The following CHD9 variants were observed in gnomAD, a reference collection of about 807,000 sequenced individuals.
CHD9 encodes ATP-dependent chromatin remodeler CHD9.
A neutral mutation model predicts 316.1 loss-of-function variants in CHD9; 77 were observed. The ratio of observed to expected loss-of-function variants is 0.24; its 90% CI spans 0.20 to 0.29. The LOEUF is 0.29. Ranked by LOEUF, CHD9 falls within the 10% of genes least tolerant of loss-of-function variation. CHD9 has a pLI of 1.00. For synonymous variants in CHD9, 1,129 were observed against 1,158.3 expected (o/e 0.97, Z 0.51); for missense variants, 2,763 against 3,438.1 (o/e 0.80, Z 4.91).
Position 53,132,957 on chromosome 16 carries a change from C to T in CHD9, c.-164-22969C>T, listed in dbSNP as rs187337230. Among the ~76,000 whole-genome samples the T allele has an allele frequency of 1.7e-3, 258 of 151,988 alleles. 1 individual carries two copies. The highest frequency in any genetic ancestry group is 4.6e-3 in the African/African-American group (190 of 41,452). On this transcript the variant is annotated intron_variant, in intron 1 of 38. Transcript: ENST00000447540. ...CCCAGTAGCTGGGATTACAGGTGCG[C>T]GCCACCACGCCCGGCCGTTTCTTCT... is the stretch of plus-strand genomic sequence containing the variant.
rs183275747 is a variant in CHD9 at position 53,327,029 on chromosome 16, A to G, written c.*2134A>G. ...TATAATAAGGCAATTACAGTTTTCAAAGCATTAAGTCTAACATAACTTTAA... is the reference window on the plus strand; with the variant it reads ...TATAATAAGGCAATTACAGTTTTCAGAGCATTAAGTCTAACATAACTTTAA... On this transcript the variant is annotated 3_prime_UTR_variant, in exon 39 of 39. Transcript: ENST00000447540. 6.6e-6 allele frequency: 1 copy of G among 152,636 alleles called. No homozygotes were observed. The highest frequency in any genetic ancestry group is 1.9e-4 in the East Asian group (1 of 5,192). 9.5% of individuals were successfully genotyped at this position (152,636 alleles called of 1,614,324 possible).
chr16:53,069,894 G>A (rs1157952300), intron 1 of CHD9, among the ~76,000 whole-genome samples: 6 of 146,752 alleles, frequency 4.1e-5, no homozygotes, highest in South Asian at 2.2e-4. Flanking sequence ...CCTTGTCAAC[G>A]TTTGTTATTT....
At chr16:53,255,300 C>A (rs73599690) in intron 18 of CHD9, among the ~76,000 whole-genome samples, 4,924 of 152,060 alleles carry the variant, frequency 0.032, 96 homozygotes, top group Middle Eastern at 0.071. Flanking sequence ...CAGAGCAAGA[C>A]CCTGTCTTAA....
chr16:53,184,000 A>G (rs2043769164), intron 2 of CHD9, among the ~76,000 whole-genome samples: 1 of 150,404 alleles, frequency 6.6e-6, no homozygotes, highest in Non-Finnish European at 1.5e-5. Flanking sequence ...GCTGGAGTGC[A>G]GTGGCGTGAT....
At chr16:53,132,020 C>G (rs914563140) in intron 1 of CHD9, among the ~76,000 whole-genome samples, 8 of 152,336 alleles carry the variant, frequency 5.3e-5, no homozygotes, top group African/African-American at 1.7e-4. Flanking sequence ...ACCCGGAAAG[C>G]CCGGGTGTCT....
chr16:53,100,704 C>A (rs957880089), intron 1 of CHD9, among the ~76,000 whole-genome samples: 2 of 152,172 alleles, frequency 1.3e-5, no homozygotes, highest in African/African-American at 4.8e-5. Context: ...AAGCAATCCA[C>A]CCACCTTGGC....
intron 1 of CHD9, among the ~76,000 whole-genome samples, chr16:53,135,579 A>C (rs780398681): frequency 6.6e-6 from 1 of 152,140 alleles, no homozygotes; most frequent in Non-Finnish European, 1.5e-5. Flanking sequence ...GAAACTAGAT[A>C]GATAGTGGTG....
chr16:53,319,063 T>G lies in CHD9; in HGVS notation c.7713+723T>G, dbSNP rs182204335. Among the ~76,000 whole-genome samples the G allele has an allele frequency of 3.9e-4, 60 of 152,356 alleles. 1 individual carries two copies. The East Asian group carries it at 8.9e-3, about 22-fold the overall frequency. On this transcript the variant is annotated intron_variant, in intron 37 of 38. Transcript: ENST00000447540. ...GAGATTTTTCAGAAATAGACTTACA[T>G]AGATTTCTTGTTTTATGTTTGGATT...
At chr16:53,306,590 A>G (rs972418499) in intron 32 of CHD9, among the ~76,000 whole-genome samples, 193 bp downstream of exon 32, 9 of 152,232 alleles carry the variant, frequency 5.9e-5, no homozygotes, top group African/African-American at 2.2e-4. Flanking sequence ...GCTTCTCAAC[A>G]TAACTTTAGA....
At chr16:53,307,462 C>A (rs994412388) in intron 32 of CHD9, among the ~76,000 whole-genome samples, 2 of 152,038 alleles carry the variant, frequency 1.3e-5, no homozygotes, top group African/African-American at 2.4e-5. Context: ...TGAGCCACCA[C>A]GCCTGCTTAT....
intron 24 of CHD9, among the ~76,000 whole-genome samples, chr16:53,280,713 C>T (rs138730219): frequency 0.015 from 2,216 of 152,008 alleles, 27 homozygotes; most frequent in Non-Finnish European, 0.023. Flanking sequence ...TCTAAGGTTA[C>T]CCAGATAAAA....
intron 2 of CHD9, among the ~76,000 whole-genome samples, chr16:53,202,218 A>G (rs1567468859): frequency 6.6e-6 from 1 of 152,048 alleles, no homozygotes; most frequent in Non-Finnish European, 1.5e-5. Context: ...AAAAAAGATA[A>G]CCATAATTCT....
intron 26 of CHD9, 104 bp downstream of exon 26, chr16:53,286,447 G>A: frequency 6.3e-6 from 4 of 636,844 alleles, no homozygotes; most frequent in African/African-American, 1.8e-5. Flanking sequence ...TAGCAGTAAG[G>A]GAATTGGAGT....
intron 1 of CHD9, among the ~76,000 whole-genome samples, chr16:53,107,489 T>TAAAATAAAATAAATA (rs377019215): frequency 8.1e-6 from 1 of 123,090 alleles, no homozygotes; most frequent in Non-Finnish European, 1.6e-5. Context: ...TAAAATAAAA[T>TAAAATAAAATAAATA]AAATAAAATA....
intron 1 of CHD9, among the ~76,000 whole-genome samples, chr16:53,067,699 A>G (rs947515892): frequency 6.6e-6 from 1 of 152,172 alleles, no homozygotes; most frequent in Non-Finnish European, 1.5e-5. Flanking sequence ...TCTTTATCAC[A>G]TCACATCAAG....
chr16:53,151,579 T>C (rs2041121507), intron 1 of CHD9, among the ~76,000 whole-genome samples: 1 of 152,102 alleles, frequency 6.6e-6, no homozygotes, highest in Non-Finnish European at 1.5e-5. Flanking sequence ...TTCTTTGTGA[T>C]CCTCATATTG....
intron 2 of CHD9, among the ~76,000 whole-genome samples, chr16:53,163,056 G>C (rs566529925): frequency 6.6e-6 from 1 of 151,990 alleles, no homozygotes; most frequent in African/African-American, 2.4e-5. Flanking sequence ...TTTAATAAAT[G>C]GTTGTTATAA....
At chr16:53,111,572 TACC>T (rs2037868381) in intron 1 of CHD9, among the ~76,000 whole-genome samples, 1 of 152,194 alleles carries the variant, frequency 6.6e-6, no homozygotes, top group South Asian at 2.1e-4. Context: ...TGCTTACACT[TACC>T]ACTAGCTCCA....
intron 1 of CHD9, among the ~76,000 whole-genome samples, chr16:53,152,799 A>G (rs957269278): frequency 1.3e-5 from 2 of 152,216 alleles, no homozygotes; most frequent in African/African-American, 4.8e-5. Context: ...GATGTAAGTT[A>G]GGGAATTGCC....
Sources: gnomAD v4.1 joint callset for allele counts (sites outside exome capture counted in the v4.1 genomes callset) on GRCh38, gnomAD v4.1.1 for gene constraint, MANE v1.5 for transcripts, NCBI Gene and HGNC (gene_info 2026-07-23, HGNC 2026-07-21) for gene names.